ACAN: variants seen among roughly 807,000 people sequenced by gnomAD.
The protein encoded by ACAN is aggrecan.
A neutral mutation model predicts 169.1 loss-of-function variants in ACAN; 47 were observed. The observed-to-expected ratio is 0.28, with a 90% CI of 0.22 to 0.35. The LOEUF (loss-of-function observed/expected upper bound fraction) is 0.35, where lower values mean the gene tolerates loss of function less well. Ranked by LOEUF, ACAN falls within the 10% of genes least tolerant of loss-of-function variation. The pLI is 1.00. For missense variants in ACAN, 2,716 were observed against 2,759.9 expected (o/e 0.98, Z 0.36); for synonymous variants, 1,115 against 1,112.2 (o/e 1.00, Z -0.05).
rs1054309281 is a variant in ACAN at position 88,838,002 on chromosome 15, C to A, written c.71-661C>A. Reference sequence around the variant, plus strand: ...TTGTTGCACCTCCTCTATTGACACTCTCCATTATATTAACATGTTTGGAGT... The same window carrying A: ...TTGTTGCACCTCCTCTATTGACACTATCCATTATATTAACATGTTTGGAGT... On this transcript the variant is annotated intron_variant, in intron 2 of 18. Coordinates refer to ENST00000560601, the MANE Select transcript of ACAN (RefSeq NM_001369268.1). This position sits in a 1 kb window ranked among gnomAD's most constrained non-coding sequence, Gnocchi z 5.1. 5.3e-5 allele frequency among the ~76,000 whole-genome samples: 8 copies of A among 149,770 alleles called. No homozygotes were observed. Among genetic ancestry groups the A allele is most frequent in the African/African-American group, 2.0e-4 (8 of 40,594 alleles).
rs1037170903 is a variant in ACAN, at chr15:88,868,698, C to T, written c.7060+369C>T. On this transcript the variant is annotated intron_variant, in intron 14 of 18. Transcript: ENST00000560601. This position sits in a 1 kb window ranked among gnomAD's most constrained non-coding sequence, Gnocchi z 5.2. ...TGGTTCTCATTCCAGATGACAGCCA[C>T]GGATCTTCTCAGTGTGGTCATGGGC... Among the ~76,000 whole-genome samples, 15 of 152,162 alleles carry T rather than the reference C, an allele frequency of 9.9e-5. No individual in the cohort carries two copies. The highest frequency in any genetic ancestry group is 5.9e-4 in the Admixed American group (9 of 15,276).
intron 1 of ACAN, among the ~76,000 whole-genome samples, chr15:88,829,381 A>G (rs1380319417): frequency 6.6e-6 from 1 of 152,164 alleles, no homozygotes; most frequent in African/African-American, 2.4e-5. Context: ...TGGGACTGAA[A>G]TCAGCTTCCT....
Position 88,849,777 on chromosome 15 carries a change from G to C in ACAN, c.2026+46G>C. The stretch of plus-strand genomic sequence containing the variant: ...TCCAACAGCCCCTTTTGTCTGGAGA[G>C]GACCCCACTGGGTTCACCGGATCCT... On this transcript the variant is annotated intron_variant, in intron 10 of 18. Transcript: ENST00000560601. The surrounding 1 kb of genome is among the most constrained non-coding windows in gnomAD (Gnocchi z 5.1). 1 of 1,596,196 alleles carries C rather than the reference G, an allele frequency of 6.3e-7. No homozygotes were observed. Among genetic ancestry groups the C allele is most frequent in the Non-Finnish European group, 8.5e-7 (1 of 1,171,606 alleles).
chr15:88,869,344 A>G lies in ACAN; in HGVS notation c.7060+1015A>G, dbSNP rs1246215909. The stretch of plus-strand genomic sequence containing the variant: ...CCTGGGAAGTCTCCCTTTGGTCCTA[A>G]GCAGTGTGAGGAGGTAGTTTTGGGT... On this transcript the variant is annotated intron_variant, in intron 14 of 18. Coordinates refer to ENST00000560601, the MANE Select transcript of ACAN (RefSeq NM_001369268.1). The surrounding 1 kb of genome is among the most constrained non-coding windows in gnomAD (Gnocchi z 4.2). Among the ~76,000 whole-genome samples, 2 of 152,178 alleles carry G rather than the reference A, an allele frequency of 1.3e-5. No homozygotes were observed. The highest frequency in any genetic ancestry group is 2.9e-5 in the Non-Finnish European group (2 of 68,016).
At chr15:88,827,965 G>A (rs1437590102) in intron 1 of ACAN, among the ~76,000 whole-genome samples, 1 of 152,050 alleles carries the variant, frequency 6.6e-6, no homozygotes, top group East Asian at 1.9e-4. Flanking sequence ...CTCCCACCCT[G>A]GCCATCGCAC....
At chr15:88,824,346 A>G (rs977530961) in intron 1 of ACAN, among the ~76,000 whole-genome samples, 8 of 151,936 alleles carry the variant, frequency 5.3e-5, no homozygotes, top group Non-Finnish European at 1.2e-4. Flanking sequence ...ACAACAACAA[A>G]AAGATTAACA....
chr15:88,868,301 C>A lies in ACAN; in HGVS notation c.7032C>A (p.Pro2344=). ...ACTCTTTCACATGCTTATGCCTTCC[C>A]AGCTACGAAGGGGACCTGTGTGAGA... is the stretch of plus-strand genomic sequence containing the variant. ...AIDSFTCLCL[P]SYEGDLCEID... is the part of the protein sequence containing the mutation. Residue 2344 remains proline (P), a synonymous_variant, in exon 14 of 19, where the codon CCC becomes CCA. Transcript: ENST00000560601. The surrounding 1 kb of genome is among the most constrained non-coding windows in gnomAD (Gnocchi z 5.2). 1.4e-6 allele frequency: 1 copy of A among 702,822 alleles called. No individual in the cohort carries two copies. The highest frequency in any genetic ancestry group is 2.6e-6 in the Non-Finnish European group (1 of 384,844). 43.5% of individuals were successfully genotyped at this position (702,822 alleles called of 1,614,324 possible).
chr15:88,869,685 G>T lies in ACAN; in HGVS notation c.7060+1356G>T, dbSNP rs1897337769. On this transcript the variant is annotated intron_variant, in intron 14 of 18. Transcript: ENST00000560601. The surrounding 1 kb of genome is among the most constrained non-coding windows in gnomAD (Gnocchi z 4.2). ...GGAGGCAGGACCCTCACAGGGCTCT[G>T]TACCCTGATGGGGCAGAGAGATGGT... Among the ~76,000 whole-genome samples the T allele has an allele frequency of 6.6e-6, 1 of 152,194 alleles. No individual in the cohort carries two copies. The highest frequency in any genetic ancestry group is 1.5e-5 in the Non-Finnish European group (1 of 68,038).
rs527571870 is a variant in ACAN at position 88,839,568 on chromosome 15, G to A, written c.455-444G>A. Among the ~76,000 whole-genome samples the A allele has an allele frequency of 1.8e-4, 27 of 152,334 alleles. No homozygotes were observed. The highest frequency in any genetic ancestry group is 3.4e-3 in the Middle Eastern group (1 of 294). ...TTGGTCAACACCAGATTTTTCCCAGGGGGAGGTACAGTGGGAGACTCTGTC... is the reference window on the plus strand; with the variant it reads ...TTGGTCAACACCAGATTTTTCCCAGAGGGAGGTACAGTGGGAGACTCTGTC... On this transcript the variant is annotated intron_variant, in intron 3 of 18. Transcript: ENST00000560601. This position sits in a 1 kb window ranked among gnomAD's most constrained non-coding sequence, Gnocchi z 4.5.
Position 88,874,118 on chromosome 15 carries a change from C to T in ACAN, c.7630+94C>T. The T allele has an allele frequency of 6.6e-7, 1 of 1,515,536 alleles. No homozygotes were observed. Among genetic ancestry groups the T allele is most frequent in the Non-Finnish European group, 8.9e-7 (1 of 1,120,860 alleles). 93.9% of individuals were successfully genotyped at this position (1,515,536 alleles called of 1,614,324 possible). On this transcript the variant is annotated intron_variant, in intron 18 of 18. Coordinates refer to ENST00000560601, the MANE Select transcript of ACAN (RefSeq NM_001369268.1). This position sits in a 1 kb window ranked among gnomAD's most constrained non-coding sequence, Gnocchi z 7.3. ...CCCTCTCCTGGGGACCCTACACCGT[C>T]CACAGGGTTGAGCAAGGGAAGGGAG...
rs16942318 is a variant in ACAN at position 88,838,898 on chromosome 15, C to A, written c.306C>A (p.Asp102Glu). The stretch of plus-strand genomic sequence containing the variant: ...TGCGGGTCAACAGTGCCTATCAGGA[C>A]AAGGTCTCACTGCCCAACTACCCGG... ...GRVRVNSAYQ[D>E]KVSLPNYPAI... The change falls in exon 3 of 19, where the codon GAC (aspartate) becomes GAA (glutamate). Residue 102 changes from aspartate to glutamate, a missense_variant. By Grantham distance (45) the Asp-to-Glu change is conservative. This residue lies in a region of ACAN where 1,283 missense variants were observed against 1,281.5 expected (regional missense o/e 1.00). Transcript: ENST00000560601. This position sits in a 1 kb window ranked among gnomAD's most constrained non-coding sequence, Gnocchi z 5.1. The A allele has an allele frequency of 0.01, 16,650 of 1,613,998 alleles. 1,017 individuals are homozygous for A. In the African/African-American group the frequency reaches 0.15, roughly 15 times the overall value.
Position 88,843,494 on chromosome 15 carries a change from C to T in ACAN, c.897C>T (p.Ala299=), listed in dbSNP as rs371531556. ...AWQAGMDMCS[A]GWLADRSVRY... is the part of the protein sequence containing the mutation. ...AGGCTGGCATGGACATGTGCAGCGC[C>T]GGCTGGCTGGCCGACCGCAGCGTGC... Residue 299 remains alanine, a synonymous_variant, in exon 6 of 19, where the codon GCC becomes GCT. Coordinates refer to ENST00000560601, the MANE Select transcript of ACAN (RefSeq NM_001369268.1). The surrounding 1 kb of genome is among the most constrained non-coding windows in gnomAD (Gnocchi z 4.0). 62 of 1,612,160 alleles carry T rather than the reference C, an allele frequency of 3.8e-5. No individual in the cohort carries two copies. The highest frequency in any genetic ancestry group is 3.3e-4 in the South Asian group (30 of 90,974).
intron 1 of ACAN, among the ~76,000 whole-genome samples, chr15:88,820,178 G>T (rs541988137): frequency 1.3e-5 from 2 of 152,278 alleles, no homozygotes; most frequent in East Asian, 3.9e-4. Context: ...GTTGTGATAG[G>T]TGCTCACAGA....
chr15:88,864,290 C>T (rs1227731571), intron 13 of ACAN, among the ~76,000 whole-genome samples: 1 of 148,070 alleles, frequency 6.8e-6, no homozygotes, highest in Non-Finnish European at 1.5e-5. Context: ...TTTTTTAAGA[C>T]AGAGTCTCGC....
intron 1 of ACAN, among the ~76,000 whole-genome samples, chr15:88,824,840 G>A (rs1011670285): frequency 4.6e-5 from 7 of 151,526 alleles, no homozygotes; most frequent in Middle Eastern, 3.4e-3. Flanking sequence ...GATCTGACAG[G>A]CCTTCAGCAC....
chr15:88,826,474 C>G (rs1330669146), intron 1 of ACAN, among the ~76,000 whole-genome samples: 3 of 60,656 alleles, frequency 4.9e-5, no homozygotes, highest in Non-Finnish European at 9.3e-5. Flanking sequence ...TGCAGGGGAC[C>G]CCTGGAGACA....
intron 1 of ACAN, among the ~76,000 whole-genome samples, chr15:88,809,791 G>T (rs911257826): frequency 3.3e-5 from 5 of 152,226 alleles, no homozygotes; most frequent in African/African-American, 1.2e-4. Flanking sequence ...GGGAGGTAGA[G>T]GGGTGGGGGT....
At position 88,817,302 on chromosome 15, in the gene ACAN, C is replaced by A. The variant is rs142798739; in HGVS notation, c.-8+13493C>A. On this transcript the variant is annotated intron_variant, in intron 1 of 18. Coordinates refer to ENST00000560601, the MANE Select transcript of ACAN (RefSeq NM_001369268.1). ...GACTACAGGTGTGTGCCACCACGCC[C>A]GACTAATTTTTTTGTATTTTTAGTA... 1.3e-5 allele frequency among the ~76,000 whole-genome samples: 2 copies of A among 152,060 alleles called. 1 individual carries two copies.
At chr15:88,841,297 A>G (rs530507516) in intron 4 of ACAN, among the ~76,000 whole-genome samples, 1 of 152,316 alleles carries the variant, frequency 6.6e-6, no homozygotes, top group Admixed American at 6.5e-5. Context: ...ATGAGACTCA[A>G]ATGATATAGA....
Sources: gnomAD v4.1 joint callset for allele counts (sites outside exome capture counted in the v4.1 genomes callset) on GRCh38, gnomAD v4.1.1 for gene constraint, gnomAD v4.1.1 regional missense constraint, Gnocchi (gnomAD v3.1) non-coding constraint, MANE v1.5 for transcripts, NCBI Gene and HGNC (gene_info 2026-07-23, HGNC 2026-07-21) for gene names.